The following KCNJ3 variants were observed in gnomAD, a reference collection of about 807,000 sequenced individuals.
KCNJ3 encodes the protein G protein-activated inward rectifier potassium channel 1.
A neutral mutation model predicts 39.2 loss-of-function variants in KCNJ3; 4 were observed. The observed-to-expected ratio is 0.10, with a 90% CI of 0.05 to 0.23. The LOEUF (loss-of-function observed/expected upper bound fraction) is 0.23, where lower values mean the gene tolerates loss of function less well. Ranked by LOEUF, KCNJ3 falls within the 10% of genes least tolerant of loss-of-function variation. The pLI, the probability that KCNJ3 is intolerant of heterozygous loss-of-function variation, is 1.00. For synonymous variants in KCNJ3, 230 were observed against 237.4 expected, an observed-to-expected ratio of 0.97 and a Z score of 0.29; for missense variants, 276 against 634.9, an observed-to-expected ratio of 0.43 and a Z score of 6.08.
intron 2 of KCNJ3, among the ~76,000 whole-genome samples, chr2:154,720,587 C>G (rs1201211196): frequency 6.6e-6 from 1 of 151,966 alleles, no homozygotes; most frequent in Non-Finnish European, 1.5e-5. Flanking sequence ...TATTTCAGAG[C>G]CCTCTTATTC....
intron 2 of KCNJ3, among the ~76,000 whole-genome samples, chr2:154,785,689 C>A (rs1686518062): frequency 6.6e-6 from 1 of 152,132 alleles, no homozygotes; most frequent in Non-Finnish European, 1.5e-5. Flanking sequence ...GAAATACATT[C>A]CTTTTCTTTA....
At chr2:154,755,969 A>G (rs566217631) in intron 2 of KCNJ3, among the ~76,000 whole-genome samples, 2 of 152,242 alleles carry the variant, frequency 1.3e-5, no homozygotes, top group Admixed American at 6.5e-5. Flanking sequence ...TTACATTTTA[A>G]ATATGCCATT....
intron 2 of KCNJ3, among the ~76,000 whole-genome samples, chr2:154,776,068 C>G (rs1686328553): frequency 6.7e-6 from 1 of 149,986 alleles, no homozygotes; most frequent in Non-Finnish European, 1.5e-5. Flanking sequence ...GTGGTGCAAT[C>G]TCGGCTCACT....
intron 2 of KCNJ3, among the ~76,000 whole-genome samples, chr2:154,727,225 T>G (rs1052319783): frequency 1.3e-5 from 2 of 151,650 alleles, no homozygotes; most frequent in African/African-American, 4.8e-5. Context: ...TAACTTTCCA[T>G]TTTTATTATC....
intron 2 of KCNJ3, among the ~76,000 whole-genome samples, chr2:154,737,234 T>A (rs1329999551): frequency 6.6e-6 from 1 of 152,078 alleles, no homozygotes; most frequent in East Asian, 1.9e-4. Context: ...CGCAGGCAGG[T>A]TTTGTGTCAG....
At chr2:154,749,734 C>CAT (rs1437319018) in intron 2 of KCNJ3, among the ~76,000 whole-genome samples, 1 of 151,938 alleles carries the variant, frequency 6.6e-6, no homozygotes, top group African/African-American at 2.4e-5. Context: ...GTAGTGAGTG[C>CAT]ATATATGTAA....
At chr2:154,851,592 G>T (rs2105140288) in intron 2 of KCNJ3, among the ~76,000 whole-genome samples, 1 of 152,322 alleles carries the variant, frequency 6.6e-6, no homozygotes, top group Middle Eastern at 3.4e-3. Context: ...GGCATTGACA[G>T]CCAGATTCAT....
intron 2 of KCNJ3, among the ~76,000 whole-genome samples, chr2:154,799,273 G>T (rs1400145061): frequency 3.9e-5 from 6 of 152,052 alleles, no homozygotes; most frequent in Non-Finnish European, 5.9e-5. Flanking sequence ...TGGGATAGCT[G>T]GGGTTATAGG....
chr2:154,826,755 G>A (rs1458056800), intron 2 of KCNJ3, among the ~76,000 whole-genome samples: 1 of 145,422 alleles, frequency 6.9e-6, no homozygotes, highest in Non-Finnish European at 1.5e-5. Flanking sequence ...CACCAATTTT[G>A]TTACACATGT....
intron 2 of KCNJ3, among the ~76,000 whole-genome samples, chr2:154,820,996 G>A (rs544609603): frequency 1.1e-4 from 17 of 152,110 alleles, no homozygotes; most frequent in South Asian, 8.3e-4. Context: ...TCTGTATCAC[G>A]TCTATGTTTT....
At chr2:154,703,307 G>T (rs1245944185) in intron 1 of KCNJ3, among the ~76,000 whole-genome samples, 1 of 152,132 alleles carries the variant, frequency 6.6e-6, no homozygotes, top group Non-Finnish European at 1.5e-5. Flanking sequence ...GAAGCATAAT[G>T]TTACTTCTTT....
intron 2 of KCNJ3, among the ~76,000 whole-genome samples, chr2:154,724,232 GAGATTACAC>G (rs1369819577): frequency 1.3e-5 from 2 of 152,086 alleles, no homozygotes; most frequent in Non-Finnish European, 2.9e-5. Context: ...ATGAAGATCT[GAGATTACAC>G]AGTGTTGTTG....
chr2:154,784,692 A>G (rs1457865253), intron 2 of KCNJ3, among the ~76,000 whole-genome samples: 1 of 152,060 alleles, frequency 6.6e-6, no homozygotes, highest in East Asian at 1.9e-4. Context: ...GGACAGTCTA[A>G]CTTTTTAAAA....
chr2:154,776,110 T>C (rs2105199625), intron 2 of KCNJ3, among the ~76,000 whole-genome samples: 1 of 151,996 alleles, frequency 6.6e-6, no homozygotes, highest in South Asian at 2.1e-4. Context: ...CAAGTGATTC[T>C]CCTGCCTCAG....
intron 2 of KCNJ3, among the ~76,000 whole-genome samples, chr2:154,769,429 C>A (rs1326455321): frequency 6.6e-6 from 1 of 152,134 alleles, no homozygotes; most frequent in African/African-American, 2.4e-5. Context: ...GCCTTTTCTG[C>A]ATCTATTGAA....
chr2:154,818,238 CAT>C (rs1294331689), intron 2 of KCNJ3, among the ~76,000 whole-genome samples: 1 of 152,118 alleles, frequency 6.6e-6, no homozygotes, highest in Non-Finnish European at 1.5e-5. Flanking sequence ...TGGGGAATAA[CAT>C]AGCCTTCCTC....
chr2:154,709,513 AT>A (rs1574429634), intron 1 of KCNJ3, 89 bp from the exon 2 acceptor site: 1 of 1,290,280 alleles, frequency 7.8e-7, no homozygotes, highest in Non-Finnish European at 1.1e-6. Context: ...ATAGTGCAGA[AT>A]GTTGGCAATG....
chr2:154,838,673 C>G (rs1216749021), intron 2 of KCNJ3, among the ~76,000 whole-genome samples: 1 of 152,002 alleles, frequency 6.6e-6, no homozygotes, highest in Admixed American at 6.6e-5. Context: ...TTTTTATTAC[C>G]TATTTAAATT....
chr2:154,760,379 T>C (rs1014718018), intron 2 of KCNJ3, among the ~76,000 whole-genome samples: 13 of 152,180 alleles, frequency 8.5e-5, no homozygotes, highest in Admixed American at 8.5e-4. Flanking sequence ...TCTCTAAGTT[T>C]TGGGCTTTAA....
Sources: gnomAD v4.1 joint callset for allele counts (sites outside exome capture counted in the v4.1 genomes callset) on GRCh38, gnomAD v4.1.1 for gene constraint, MANE v1.5 for transcripts, NCBI Gene and HGNC (gene_info 2026-07-23, HGNC 2026-07-21) for gene names.